The following CCSER1 variants were observed in gnomAD, a reference collection of about 807,000 sequenced individuals.
The protein encoded by CCSER1 is coiled-coil serine rich protein 1, also known as serine-rich coiled-coil domain-containing protein 1.
A neutral mutation model predicts 82.0 loss-of-function variants in CCSER1; 41 were observed. The ratio of observed to expected loss-of-function variants is 0.50; its 90% CI spans 0.39 to 0.65. The LOEUF is 0.65. Ranked by LOEUF, CCSER1 falls within the 30% of genes least tolerant of loss-of-function variation. CCSER1 has a pLI of 0.00. For missense variants in CCSER1, 1,119 were observed against 1,064.2 expected (o/e 1.05, Z -0.72); for synonymous variants, 414 against 383.9 (o/e 1.08, Z -0.92).
chr4:90,208,209 A>T (rs193150836), intron 1 of CCSER1, among the ~76,000 whole-genome samples: 5 of 152,284 alleles, frequency 3.3e-5, no homozygotes, highest in Admixed American at 6.5e-5. Context: ...GAGGGGAGGA[A>T]TCTAGAGAGG....
rs1192484164 is a variant in CCSER1, at chr4:90,271,848, ATATATATATATATATTTTTTTTTTTT to A, written c.-41-36394_-41-36369del. Among the ~76,000 whole-genome samples, 173 of 23,340 alleles carry A rather than the reference ATATATATATATATATTTTTTTTTTTT, an allele frequency of 7.4e-3. 11 individuals are homozygous for A. The highest frequency in any genetic ancestry group is 0.064 in the African/African-American group (163 of 2,534). The allele number at this position is 23,340 out of a possible 152,430, so 15.3% of individuals were successfully genotyped here. On this transcript the variant is annotated intron_variant, in intron 1 of 10. Transcript: ENST00000509176. ...AATTTATATATATATATATATATAT[ATATATATATATATATTTTTTTTTTTT>A]TTTTTTTTTTTTTTTTAAAAGGAGG...
At chr4:91,301,632 T>C (rs929531914) in intron 10 of CCSER1, among the ~76,000 whole-genome samples, 1 of 151,786 alleles carries the variant, frequency 6.6e-6, no homozygotes, top group Non-Finnish European at 1.5e-5. Context: ...GATATGTTTT[T>C]CTCTATGCAA....
intron 9 of CCSER1, among the ~76,000 whole-genome samples, chr4:91,080,744 G>A (rs572104639): frequency 6.6e-5 from 10 of 152,208 alleles, no homozygotes; most frequent in East Asian, 1.9e-4. Context: ...TATCACCACC[G>A]ATCCCACAGA....
chr4:90,966,492 C>G (rs1402499985), intron 9 of CCSER1, among the ~76,000 whole-genome samples: 5 of 151,996 alleles, frequency 3.3e-5, no homozygotes, highest in Admixed American at 3.3e-4. Flanking sequence ...CTTATCCAAC[C>G]AAACTGTCTT....
intron 10 of CCSER1, among the ~76,000 whole-genome samples, chr4:91,158,704 C>A (rs933990494): frequency 1.3e-5 from 2 of 151,810 alleles, no homozygotes; most frequent in Admixed American, 1.3e-4. Flanking sequence ...CACACACACA[C>A]GGCCTTGTAA....
chr4:90,443,284 G>T (rs973212825), intron 4 of CCSER1, among the ~76,000 whole-genome samples: 1 of 151,998 alleles, frequency 6.6e-6, no homozygotes, highest in Non-Finnish European at 1.5e-5. Flanking sequence ...TGAATTTCCA[G>T]CATCATTATT....
At chr4:90,242,413 T>C (rs1274813973) in intron 1 of CCSER1, among the ~76,000 whole-genome samples, 2 of 152,348 alleles carry the variant, frequency 1.3e-5, no homozygotes, top group Middle Eastern at 3.4e-3. Flanking sequence ...GCTTTTAAAC[T>C]GTTGATATTT....
chr4:91,116,730 C>G (rs1252873050), intron 10 of CCSER1, among the ~76,000 whole-genome samples: 2 of 152,150 alleles, frequency 1.3e-5, no homozygotes, highest in Admixed American at 6.5e-5. Context: ...AACTATCTAA[C>G]AGGCTGCCTT....
Position 90,670,812 on chromosome 4 carries a change from A to G in CCSER1, c.1932+42580A>G, listed in dbSNP as rs144834545. 4.2e-4 allele frequency among the ~76,000 whole-genome samples: 64 copies of G among 152,142 alleles called. No individual in the cohort carries two copies. The East Asian group carries it at 0.012, about 29-fold the overall frequency. On this transcript the variant is annotated intron_variant, in intron 6 of 10. Coordinates refer to ENST00000509176, the MANE Select transcript of CCSER1 (RefSeq NM_001145065.2). The stretch of plus-strand genomic sequence containing the variant: ...TTATTAATATATTTAAAAAAAATAC[A>G]TGCCCTCCTCCTTTATCCAGGAAGA...
chr4:91,239,304 G>A (rs903791245), intron 10 of CCSER1, among the ~76,000 whole-genome samples: 1 of 56,996 alleles, frequency 1.8e-5, no homozygotes, highest in African/African-American at 7.4e-5. Context: ...TAGAATGTGC[G>A]AATTTAACTA....
intron 6 of CCSER1, among the ~76,000 whole-genome samples, chr4:90,698,613 A>C (rs1347908912): frequency 2.6e-5 from 4 of 152,216 alleles, no homozygotes. Flanking sequence ...AACTATGGTC[A>C]ATTTTAAACT....
At chr4:90,551,706 C>CTCTATATATATATATATA in intron 5 of CCSER1, among the ~76,000 whole-genome samples, 7 of 104,240 alleles carry the variant, frequency 6.7e-5, no homozygotes, top group South Asian at 4.0e-4. Flanking sequence ...CTCTCTCTCT[C>CTCTATATATATATATATA]TATATATATA....
intron 9 of CCSER1, among the ~76,000 whole-genome samples, chr4:90,932,638 G>T (rs571236865): frequency 6.6e-6 from 1 of 151,672 alleles, no homozygotes; most frequent in Non-Finnish European, 1.5e-5. Flanking sequence ...GACCAGCCTG[G>T]CTAACATGGT....
chr4:90,366,193 T>C (rs1296435437), intron 3 of CCSER1, among the ~76,000 whole-genome samples: 1 of 151,818 alleles, frequency 6.6e-6, no homozygotes, highest in African/African-American at 2.4e-5. Flanking sequence ...AGTCATTGCA[T>C]TTATAAAATT....
intron 5 of CCSER1, among the ~76,000 whole-genome samples, chr4:90,554,643 G>A (rs981135718): frequency 1.3e-5 from 2 of 152,144 alleles, no homozygotes; most frequent in Admixed American, 6.5e-5. Context: ...CCCAAGGACA[G>A]GAGCTAAAGT....
At position 90,252,273 on chromosome 4, in the gene CCSER1, G is replaced by T. The variant is rs558831050; in HGVS notation, c.-41-55971G>T. 3.8e-3 allele frequency among the ~76,000 whole-genome samples: 573 copies of T among 151,958 alleles called. 2 individuals carry two copies. Among genetic ancestry groups the T allele is most frequent in the Non-Finnish European group, 6.1e-3 (413 of 67,824 alleles). Reference sequence around the variant, plus strand: ...AAACTTTCAGATTCTGGAGCATATTGTATTTTCAGATTTGAGATGCTCAAC... The same window carrying T: ...AAACTTTCAGATTCTGGAGCATATTTTATTTTCAGATTTGAGATGCTCAAC... On this transcript the variant is annotated intron_variant, in intron 1 of 10. Coordinates refer to ENST00000509176, the MANE Select transcript of CCSER1 (RefSeq NM_001145065.2).
At chr4:91,106,988 G>A (rs1725680121) in intron 10 of CCSER1, among the ~76,000 whole-genome samples, 1 of 152,168 alleles carries the variant, frequency 6.6e-6, no homozygotes, top group East Asian at 1.9e-4. Flanking sequence ...GACTGTAATG[G>A]GGCTACCCTA....
intron 3 of CCSER1, among the ~76,000 whole-genome samples, chr4:90,388,087 C>G (rs1293640701): frequency 6.6e-6 from 1 of 152,164 alleles, no homozygotes; most frequent in Non-Finnish European, 1.5e-5. Flanking sequence ...ACATTTTAGA[C>G]TTGAACGGCT....
chr4:90,212,527 T>G (rs1740218812), intron 1 of CCSER1, among the ~76,000 whole-genome samples: 1 of 152,192 alleles, frequency 6.6e-6, no homozygotes, highest in Non-Finnish European at 1.5e-5. Flanking sequence ...TTCTTCAGTT[T>G]TTAAGGAATA....
Sources: gnomAD v4.1 joint callset for allele counts (sites outside exome capture counted in the v4.1 genomes callset) on GRCh38, gnomAD v4.1.1 for gene constraint, MANE v1.5 for transcripts, NCBI Gene and HGNC (gene_info 2026-07-23, HGNC 2026-07-21) for gene names.